CASP8: variants seen among roughly 807,000 people sequenced by gnomAD.
CASP8 encodes caspase 8.
In CASP8, 24 loss-of-function variants were observed where a neutral mutation model predicts 46.3. The ratio of observed to expected loss-of-function variants is 0.52; its 90% CI spans 0.38 to 0.73. The LOEUF is 0.73. Ranked by LOEUF, CASP8 falls within the 30% of genes least tolerant of loss-of-function variation. The probability of loss-of-function intolerance (pLI) is 0.00; values close to 1 mark genes in which losing one functional copy is unlikely to be tolerated. For missense variants in CASP8, 460 were observed against 559.0 expected (o/e 0.82, Z 1.79); for synonymous variants, 188 against 200.4 (o/e 0.94, Z 0.52).
At chr2:201,273,010 C>G in intron 5 of CASP8, 68 bp downstream of exon 5, 2 of 1,333,036 alleles carry the variant, frequency 1.5e-6, no homozygotes, top group Non-Finnish European at 2.2e-6. Flanking sequence ...GTGTCCTCCC[C>G]ACAGCCTTCT....
chr2:201,281,907 T>C (rs1576368260), intron 7 of CASP8: 1 of 1,493,726 alleles, frequency 6.7e-7, no homozygotes, highest in East Asian at 2.6e-5. Context: ...ATAGAGGGTT[T>C]TGCTCTTGAA....
upstream of CASP8, chr2:201,258,180 T>G: frequency 6.2e-7 from 1 of 1,601,754 alleles, no homozygotes; most frequent in Non-Finnish European, 8.6e-7. Flanking sequence ...TCTTTTGTGT[T>G]TTTTTTCAAG....
At chr2:201,282,572 C>A (rs1187859185) in intron 7 of CASP8, among the ~76,000 whole-genome samples, 1 of 105,694 alleles carries the variant, frequency 9.5e-6, no homozygotes, top group African/African-American at 3.0e-5. Flanking sequence ...GGGGCTGACC[C>A]CCCCACCGCC....
At chr2:201,250,938 C>G (rs921005759) in intron 2 of CASP8, among the ~76,000 whole-genome samples, 3 of 152,224 alleles carry the variant, frequency 2.0e-5, no homozygotes, top group African/African-American at 7.2e-5. Context: ...CACACTTCCT[C>G]CCCTGAGTCC....
intron 7 of CASP8, among the ~76,000 whole-genome samples, chr2:201,282,660 C>A (rs1949159161): frequency 1.3e-5 from 1 of 77,710 alleles, no homozygotes; most frequent in African/African-American, 4.1e-5. Context: ...GCGCCCCTCA[C>A]CTCCTGGATA....
intron 2 of CASP8, chr2:201,241,433 C>T (rs1946294520): frequency 6.6e-6 from 1 of 152,100 alleles, no homozygotes; most frequent in Non-Finnish European, 1.5e-5. Flanking sequence ...TCTATTCCAA[C>T]AAACTGGATA....
intron 2 of CASP8, among the ~76,000 whole-genome samples, chr2:201,268,909 TTGTGTGTGTGTG>T (rs58087434): frequency 0.014 from 1,781 of 131,638 alleles, 13 homozygotes; most frequent in African/African-American, 0.028. Flanking sequence ...GGCCTCATCT[TTGTGTGTGTGTG>T]TGTGTGTGTG....
chr2:201,269,610 G>T (rs1371081425), intron 2 of CASP8: 1 of 1,603,512 alleles, frequency 6.2e-7, no homozygotes, highest in Non-Finnish European at 8.5e-7. Context: ...AATAAGGCAG[G>T]ATCTCTCTTA....
chr2:201,237,559 T>C (rs915238736), intron 2 of CASP8, among the ~76,000 whole-genome samples: 4 of 152,132 alleles, frequency 2.6e-5, no homozygotes, highest in African/African-American at 4.8e-5. Context: ...GTTGATTTTC[T>C]GGTGTAAAAT....
rs763516126 is a variant in CASP8 at position 201,271,536 on chromosome 2, CAGA to C, written c.332_334del (p.Glu111del). 2.2e-5 allele frequency: 36 copies of C among 1,605,146 alleles called. No individual in the cohort carries two copies. The highest frequency in any genetic ancestry group is 3.1e-5 in the Non-Finnish European group (36 of 1,171,942). On this transcript the variant is annotated inframe_deletion, in exon 3 of 9. Coordinates refer to ENST00000673742, the MANE Select transcript of CASP8 (RefSeq NM_001372051.1). ...CACAGGGTCATGCTCTATCAGATTT[CAGA>C]AGAAGTGAGCAGATCAGAATTGAGG... is the stretch of plus-strand genomic sequence containing the variant.
chr2:201,278,962 A>G (rs139045151), intron 7 of CASP8, among the ~76,000 whole-genome samples: 42 of 152,336 alleles, frequency 2.8e-4, no homozygotes, highest in Middle Eastern at 3.4e-3. Context: ...ATAGCTAATG[A>G]AAGGTTTCCA....
chr2:201,274,424 T>C (rs1370703733), intron 5 of CASP8, among the ~76,000 whole-genome samples: 2 of 152,204 alleles, frequency 1.3e-5, no homozygotes, highest in East Asian at 3.9e-4. Flanking sequence ...TTGCAGAATC[T>C]CTCTGGCTTG....
At chr2:201,284,559 C>T (rs1465753569) in intron 7 of CASP8, among the ~76,000 whole-genome samples, 2 of 69,412 alleles carry the variant, frequency 2.9e-5, no homozygotes, top group South Asian at 9.9e-4. Flanking sequence ...CGCCTGCAAT[C>T]GCAGGCACTC....
intron 1 of CASP8, among the ~76,000 whole-genome samples, chr2:201,264,603 C>T (rs1264034423): frequency 6.6e-6 from 1 of 152,178 alleles, no homozygotes; most frequent in Non-Finnish European, 1.5e-5. Context: ...CTACACTGAA[C>T]ATGTCTAAGA....
chr2:201,283,695 C>CA lies in CASP8; in HGVS notation c.803-1121_803-1120insA, dbSNP rs1322445132. On this transcript the variant is annotated intron_variant, in intron 7 of 8. Coordinates refer to ENST00000673742, the MANE Select transcript of CASP8 (RefSeq NM_001372051.1). The stretch of plus-strand genomic sequence containing the variant: ...GACGGGGCGGATGGCCGACCACCCC[C>CA]CCCCGCCTCCCTCCCGGACGGGGCG... 4.5e-4 allele frequency among the ~76,000 whole-genome samples: 41 copies of CA among 91,668 alleles called. 5 individuals are homozygous for CA. Among genetic ancestry groups the CA allele is most frequent in the Admixed American group, 8.9e-4 (10 of 11,294 alleles). 60.1% of individuals were successfully genotyped at this position (91,668 alleles called of 152,430 possible).
chr2:201,258,367 G>C (rs755371396), upstream of CASP8: 12 of 1,613,900 alleles, frequency 7.4e-6, no homozygotes, highest in Non-Finnish European at 1.0e-5. Flanking sequence ...GATGGTGCCA[G>C]GAAAGGGTGG....
Position 201,272,079 on chromosome 2 carries a change from GGTGT to G in CASP8, c.411+465_411+468del, listed in dbSNP as rs766449322. On this transcript the variant is annotated intron_variant, in intron 3 of 8. Transcript: ENST00000673742. The surrounding 1 kb of genome is among the most constrained non-coding windows in gnomAD (Gnocchi z 4.4). Reference sequence around the variant, plus strand: ...TATCTCTGTGTGTCTCTGTATAAGTGGTGTGTGTGTCTGTGTATCTCTGTGTGTG... The same window carrying G: ...TATCTCTGTGTGTCTCTGTATAAGTGGTGTGTCTGTGTATCTCTGTGTGTG... Among the ~76,000 whole-genome samples the G allele has an allele frequency of 7.3e-5, 11 of 151,634 alleles. No homozygotes were observed. Among genetic ancestry groups the G allele is most frequent in the African/African-American group, 2.2e-4 (9 of 41,268 alleles).
At chr2:201,273,494 C>T (rs962634696) in intron 5 of CASP8, among the ~76,000 whole-genome samples, 7 of 152,040 alleles carry the variant, frequency 4.6e-5, no homozygotes, top group African/African-American at 1.7e-4. Context: ...TCATGTTATG[C>T]ACTGAGTAGC....
chr2:201,241,953 A>G (rs1576197447), intron 2 of CASP8: 1 of 152,242 alleles, frequency 6.6e-6, no homozygotes, highest in East Asian at 1.9e-4. Context: ...TATAAAGATA[A>G]CATGATCATC....
Sources: allele counts gnomAD v4.1 joint callset (sites outside exome capture counted in the v4.1 genomes callset), GRCh38; gene constraint gnomAD v4.1.1; non-coding constraint Gnocchi (gnomAD v3.1); transcripts MANE v1.5; gene names NCBI Gene and HGNC (gene_info 2026-07-23, HGNC 2026-07-21).